The following MVP variants were observed in gnomAD, a reference collection of about 807,000 sequenced individuals.
MVP encodes the protein lung resistance-related protein.
In MVP, 62 loss-of-function variants were observed where a neutral mutation model predicts 83.5. That is an observed-to-expected ratio of 0.74 (90% CI 0.61 to 0.92). The LOEUF (loss-of-function observed/expected upper bound fraction) is 0.92. MVP is among the 40% of genes least tolerant of loss of function. MVP has a pLI of 0.00. For missense variants in MVP, 1,000 were observed against 1,203.4 expected (o/e 0.83, Z 2.50); for synonymous variants, 505 against 504.1 (o/e 1.00, Z -0.02).
At chr16:29,838,481 A>G (rs2067507061) in intron 7 of MVP, among the ~76,000 whole-genome samples, 1 of 152,102 alleles carries the variant, frequency 6.6e-6, no homozygotes, top group Non-Finnish European at 1.5e-5. Flanking sequence ...TATATAATGA[A>G]TGGATAAAAA....
chr16:29,843,586 G>A (rs867546079), intron 10 of MVP, among the ~76,000 whole-genome samples: 2 of 114,228 alleles, frequency 1.8e-5, no homozygotes, highest in African/African-American at 3.5e-5. Flanking sequence ...GGGAGGAAGG[G>A]AGGAAGGGAG....
In MVP at chr16:29,841,605, G is replaced by A. The variant is rs912653664; in HGVS notation, c.1201G>A (p.Val401Met). ...CTGTCCTCGTCCCAAGGTGCGCGCT[G>A]TGATTGGAAGCACCTACATGCTGAC... The part of the protein sequence containing the change: ...QDVKTGKVRA[V>M]IGSTYMLTQD... Residue 401 changes from valine to methionine, a missense_variant, in exon 9 of 15, where the codon GTG (valine) becomes ATG (methionine). Val to Met is a conservative substitution (Grantham distance 21). Transcript: ENST00000357402. This position sits in a 1 kb window ranked among gnomAD's most constrained non-coding sequence, Gnocchi z 4.7. 1 of 1,602,866 alleles carries A rather than the reference G, an allele frequency of 6.2e-7. No homozygotes were observed. Among genetic ancestry groups the A allele is most frequent in the East Asian group, 2.2e-5 (1 of 44,686 alleles).
intron 1 of MVP, chr16:29,822,523 A>G (rs2067370702): frequency 6.6e-6 from 1 of 152,080 alleles, no homozygotes; most frequent in African/African-American, 2.4e-5. Context: ...ACCAAACTTC[A>G]TGTGCCTTTT....
chr16:29,838,450 T>C (rs1335818857), intron 7 of MVP, among the ~76,000 whole-genome samples: 1 of 149,898 alleles, frequency 6.7e-6, no homozygotes, highest in Non-Finnish European at 1.5e-5. Flanking sequence ...AAAAAAAAAT[T>C]AGAAATAACC....
In MVP at chr16:29,833,973, A is replaced by C; in HGVS notation, c.484A>C (p.Ile162Leu). The C allele has an allele frequency of 6.2e-7, 1 of 1,613,908 alleles. No homozygotes were observed. Among genetic ancestry groups the C allele is most frequent in the Non-Finnish European group, 8.5e-7 (1 of 1,179,970 alleles). The change falls in exon 5 of 15, where the codon ATC becomes CTC. Residue 162 changes from isoleucine (I) to leucine (L), a missense_variant. By Grantham distance (5) the Ile-to-Leu change is conservative (BLOSUM62 2). Coordinates refer to ENST00000357402, the MANE Select transcript of MVP (RefSeq NM_005115.5). Reference protein sequence around the residue: ...IPRKEVEVVEIIQATIIRQNQ... With the variant: ...IPRKEVEVVELIQATIIRQNQ... The stretch of plus-strand genomic sequence containing the variant: ...CCGGAAGGAAGTGGAGGTCGTGGAG[A>C]TCATTCAGGCCACCATCATCAGGCA...
chr16:29,844,401 C>T, intron 10 of MVP, 92 bp from the exon 11 acceptor site: 5 of 1,478,716 alleles, frequency 3.4e-6, no homozygotes, highest in Non-Finnish European at 4.5e-6. Flanking sequence ...GAGTTCAAGA[C>T]CAGCCTGGGC....
At chr16:29,843,955 A>G (rs2067559267) in intron 10 of MVP, among the ~76,000 whole-genome samples, 1 of 152,152 alleles carries the variant, frequency 6.6e-6, no homozygotes, top group African/African-American at 2.4e-5. Flanking sequence ...GAGAGCAGCC[A>G]GTGCCCTGAT....
intron 1 of MVP, among the ~76,000 whole-genome samples, chr16:29,828,229 G>A (rs1482210873): frequency 6.6e-6 from 1 of 152,086 alleles, no homozygotes; most frequent in Admixed American, 6.6e-5. Context: ...AAAGTGCTGA[G>A]ATTACAGGTG....
At chr16:29,835,839 A>T in intron 6 of MVP, 41 bp downstream of exon 6, 1 of 1,563,896 alleles carries the variant, frequency 6.4e-7, no homozygotes, top group Non-Finnish European at 8.8e-7. Context: ...ACCTGGGGCT[A>T]GGGAACCCTC....
At chr16:29,826,700 A>G (rs1293974799) in intron 1 of MVP, among the ~76,000 whole-genome samples, 1 of 150,378 alleles carries the variant, frequency 6.6e-6, no homozygotes, top group Non-Finnish European at 1.5e-5. Context: ...AGGCGGGTGG[A>G]TCACAAGGTC....
At chr16:29,847,496 G>A in intron 14 of MVP, 111 bp downstream of exon 14, 1 of 1,131,432 alleles carries the variant, frequency 8.8e-7, no homozygotes, top group Non-Finnish European at 1.2e-6. Context: ...GGAGGGGTGA[G>A]TGACCTGACC....
chr16:29,840,072 C>T (rs2067521101), intron 7 of MVP, 106 bp from the exon 8 acceptor site: 47 of 1,241,952 alleles, frequency 3.8e-5, no homozygotes, highest in Non-Finnish European at 4.9e-5. Flanking sequence ...GCTTCTGGTG[C>T]TCTTGTCCTC....
chr16:29,837,370 T>C (rs1049595990), intron 7 of MVP, among the ~76,000 whole-genome samples: 2 of 152,240 alleles, frequency 1.3e-5, no homozygotes, highest in African/African-American at 4.8e-5. Context: ...GTGCAGCATG[T>C]GACTGTCCTG....
chr16:29,824,228 A>C (rs1397314271), intron 1 of MVP, among the ~76,000 whole-genome samples: 3 of 149,550 alleles, frequency 2.0e-5, no homozygotes, highest in African/African-American at 2.4e-5. Flanking sequence ...AAAAAAAAAA[A>C]AAAAAAAAAA....
At position 29,825,631 on chromosome 16, in the gene MVP, G is replaced by T. The variant is rs138962212; in HGVS notation, c.-35-4884G>T. 2.6e-3 allele frequency among the ~76,000 whole-genome samples: 400 copies of T among 152,246 alleles called. 5 individuals carry two copies. The highest frequency in any genetic ancestry group is 9.1e-3 in the African/African-American group (376 of 41,522). On this transcript the variant is annotated intron_variant, in intron 1 of 14. Coordinates refer to ENST00000357402, the MANE Select transcript of MVP (RefSeq NM_005115.5). ...TGCTGATGCAGGGGCAGTTGCCGAG[G>T]GCTTGGCCTCAGAACAAGGCAGGAG...
At chr16:29,846,094 A>G in intron 12 of MVP, 64 bp from the exon 13 acceptor site, 2 of 1,601,122 alleles carry the variant, frequency 1.2e-6, no homozygotes, top group Admixed American at 1.7e-5. Context: ...GCTACAGCAT[A>G]AGCCAAGGCC....
At chr16:29,823,964 C>T (rs564891840) in intron 1 of MVP, among the ~76,000 whole-genome samples, 20 of 151,990 alleles carry the variant, frequency 1.3e-4, no homozygotes, top group African/African-American at 4.3e-4. Flanking sequence ...GAAGGCCTGG[C>T]GCGGCAGATC....
intron 13 of MVP, among the ~76,000 whole-genome samples, chr16:29,846,753 G>A (rs560194362): frequency 6.6e-6 from 1 of 152,282 alleles, no homozygotes; most frequent in Non-Finnish European, 1.5e-5. Flanking sequence ...CAACTACTTG[G>A]TAGGCTGAGG....
chr16:29,829,828 C>A (rs993463409), intron 1 of MVP: 4 of 152,230 alleles, frequency 2.6e-5, no homozygotes, highest in Non-Finnish European at 4.4e-5. Context: ...GGCTCAGTTC[C>A]ATCTGGGATC....
Sources: gnomAD v4.1 joint callset for allele counts (sites outside exome capture counted in the v4.1 genomes callset) on GRCh38, gnomAD v4.1.1 for gene constraint, Gnocchi (gnomAD v3.1) non-coding constraint, MANE v1.5 for transcripts, NCBI Gene and HGNC (gene_info 2026-07-23, HGNC 2026-07-21) for gene names.